PTPRG: variants seen among roughly 807,000 people sequenced by gnomAD.
The protein encoded by PTPRG is receptor-type tyrosine-protein phosphatase gamma.
Under a neutral mutation model 165.3 loss-of-function variants are expected in PTPRG, and 102 were observed. The observed-to-expected ratio is 0.62, with a 90% confidence interval of 0.53 to 0.73. PTPRG has a LOEUF of 0.73. Ranked by LOEUF, PTPRG falls within the 30% of genes least tolerant of loss-of-function variation. The pLI is 0.00. For missense variants in PTPRG, 1,866 were observed against 1,861.4 expected (o/e 1.00, Z -0.05); for synonymous variants, 675 against 669.5 (o/e 1.01, Z -0.13).
In PTPRG at chr3:62,213,595, C is replaced by A. The variant is rs1700419705; in HGVS notation, c.2156-5256C>A. The stretch of plus-strand genomic sequence containing the variant: ...AGATGGGCATTTACCCAAAGCCACA[C>A]AGCTGGAAAGGCCTAAGTCAAAATT... On this transcript the variant is annotated intron_variant, in intron 12 of 29. Transcript: ENST00000474889. This position sits in a 1 kb window ranked among gnomAD's most constrained non-coding sequence, Gnocchi z 4.4. Among the ~76,000 whole-genome samples the A allele has an allele frequency of 6.6e-6, 1 of 152,088 alleles. No individual in the cohort carries two copies. Among genetic ancestry groups the A allele is most frequent in the Admixed American group, 6.5e-5 (1 of 15,282 alleles).
At chr3:61,652,453 C>A (rs1386409763) in intron 1 of PTPRG, among the ~76,000 whole-genome samples, 1 of 150,660 alleles carries the variant, frequency 6.6e-6, no homozygotes, top group Non-Finnish European at 1.5e-5. Flanking sequence ...CTCTACGGTG[C>A]AATCTATTTT....
chr3:61,949,449 G>T (rs1334748390), intron 2 of PTPRG, among the ~76,000 whole-genome samples: 2 of 152,168 alleles, frequency 1.3e-5, no homozygotes, highest in Non-Finnish European at 2.9e-5. Flanking sequence ...TTGAGCATTG[G>T]TGGTGGAGAA....
chr3:62,001,653 A>G (rs2041174942), intron 3 of PTPRG, among the ~76,000 whole-genome samples: 1 of 151,912 alleles, frequency 6.6e-6, no homozygotes, highest in South Asian at 2.1e-4. Flanking sequence ...CTAAGATATT[A>G]TATTTTAAGG....
At chr3:61,768,154 T>C (rs1242371468) in intron 2 of PTPRG, among the ~76,000 whole-genome samples, 2 of 152,280 alleles carry the variant, frequency 1.3e-5, no homozygotes, top group Non-Finnish European at 2.9e-5. Context: ...TTATGGTCTT[T>C]GAATTTGATC....
intron 2 of PTPRG, among the ~76,000 whole-genome samples, chr3:61,870,701 T>C (rs1286563201): frequency 6.6e-6 from 1 of 151,786 alleles, no homozygotes; most frequent in Non-Finnish European, 1.5e-5. Context: ...AAAGTAATGA[T>C]TACCTCCCAG....
At chr3:61,922,836 T>TAAAG (rs1559691012) in intron 2 of PTPRG, among the ~76,000 whole-genome samples, 1 of 152,208 alleles carries the variant, frequency 6.6e-6, no homozygotes, top group Non-Finnish European at 1.5e-5. Context: ...AGACAGAGTT[T>TAAAG]AGCCATGTTG....
chr3:62,247,684 A>ATAAACAT (rs1404417061), intron 15 of PTPRG, among the ~76,000 whole-genome samples: 3 of 152,200 alleles, frequency 2.0e-5, no homozygotes, highest in Non-Finnish European at 4.4e-5. Flanking sequence ...AACAAGTCAC[A>ATAAACAT]GCCACGTTGA....
At chr3:62,075,738 C>G (rs1327710499) in intron 4 of PTPRG, among the ~76,000 whole-genome samples, 1 of 152,084 alleles carries the variant, frequency 6.6e-6, no homozygotes, top group East Asian at 1.9e-4. Context: ...TTTAGCTTTT[C>G]CTTCTGGGAC....
At chr3:61,838,464 G>T (rs987154310) in intron 2 of PTPRG, among the ~76,000 whole-genome samples, 3 of 152,112 alleles carry the variant, frequency 2.0e-5, no homozygotes, top group African/African-American at 7.2e-5. Context: ...AGTTTTTCAT[G>T]TGTGTGAATG....
intron 2 of PTPRG, among the ~76,000 whole-genome samples, chr3:61,757,227 A>T (rs1333729086): frequency 6.6e-6 from 1 of 152,230 alleles, no homozygotes; most frequent in Non-Finnish European, 1.5e-5. Flanking sequence ...TGCGGTTATC[A>T]TTGAGAAATG....
rs1702111097 is a variant in PTPRG, at chr3:62,272,865, GTTTAGATTGGAA to G, written c.3183-77_3183-66del. The G allele has an allele frequency of 2.9e-6, 4 of 1,376,878 alleles. No individual in the cohort carries two copies. The South Asian group carries it at 6.8e-5, about 24-fold the overall frequency. The allele number at this position is 1,376,878 out of a possible 1,614,324, so 85.3% of individuals were successfully genotyped here. On this transcript the variant is annotated intron_variant, in intron 21 of 29. Transcript: ENST00000474889. The stretch of plus-strand genomic sequence containing the variant: ...TCAGAAAAATAATAAAATAAATGGG[GTTTAGATTGGAA>G]TTTTTCGAATCCAAAGTTAACAGTA...
At chr3:61,747,250 G>T (rs2033246001) in intron 1 of PTPRG, among the ~76,000 whole-genome samples, 1 of 152,184 alleles carries the variant, frequency 6.6e-6, no homozygotes, top group Non-Finnish European at 1.5e-5. Flanking sequence ...TACAGTCAAG[G>T]AAATTGAGGC....
chr3:61,952,911 A>G (rs568879169), intron 2 of PTPRG, among the ~76,000 whole-genome samples: 349 of 152,314 alleles, frequency 2.3e-3, no homozygotes, highest in Non-Finnish European at 4.1e-3. Flanking sequence ...CTTGTGACCC[A>G]CTGTTGTCTA....
intron 1 of PTPRG, among the ~76,000 whole-genome samples, chr3:61,684,777 A>C (rs192889481): frequency 5.9e-5 from 9 of 152,320 alleles, no homozygotes; most frequent in Admixed American, 5.9e-4. Context: ...TGAGATTCCA[A>C]GGTACTTGGA....
chr3:61,714,747 C>T (rs943477540), intron 1 of PTPRG, among the ~76,000 whole-genome samples: 3 of 152,134 alleles, frequency 2.0e-5, no homozygotes, highest in Non-Finnish European at 4.4e-5. Context: ...AGAGGCGCCA[C>T]GTGAGCCTTG....
intron 2 of PTPRG, among the ~76,000 whole-genome samples, chr3:61,977,443 T>C (rs2040536574): frequency 6.6e-6 from 1 of 152,234 alleles, no homozygotes; most frequent in South Asian, 2.1e-4. Flanking sequence ...CCCTGGATCA[T>C]GCATGTGTTT....
At chr3:62,091,044 A>G (rs1276329805) in intron 5 of PTPRG, among the ~76,000 whole-genome samples, 1 of 152,246 alleles carries the variant, frequency 6.6e-6, no homozygotes, top group Non-Finnish European at 1.5e-5. Flanking sequence ...TTTGATGATA[A>G]AAATAGTTAA....
chr3:61,959,754 C>T (rs2040108767), intron 2 of PTPRG, among the ~76,000 whole-genome samples: 1 of 152,134 alleles, frequency 6.6e-6, no homozygotes, highest in African/African-American at 2.4e-5. Context: ...GTGTTTTGTC[C>T]TCTGAAATTT....
intron 1 of PTPRG, among the ~76,000 whole-genome samples, chr3:61,695,671 A>T (rs192839518): frequency 2.8e-4 from 43 of 152,304 alleles, no homozygotes; most frequent in African/African-American, 9.1e-4. Flanking sequence ...CAAGATTTTT[A>T]AAAATGTCAT....
Sources: allele counts gnomAD v4.1 joint callset (sites outside exome capture counted in the v4.1 genomes callset), GRCh38; gene constraint gnomAD v4.1.1; non-coding constraint Gnocchi (gnomAD v3.1); transcripts MANE v1.5; gene names NCBI Gene and HGNC (gene_info 2026-07-23, HGNC 2026-07-21).